Variants in ABCA13 observed in about 807,000 individuals in gnomAD.
ABCA13 encodes the protein ATP binding cassette subfamily A member 13.
In ABCA13, 476 loss-of-function variants were observed where a neutral mutation model predicts 478.7. The ratio of observed to expected loss-of-function variants is 0.99; its 90% CI spans 0.92 to 1.07. The LOEUF is 1.07. Ranked by LOEUF, ABCA13 falls within the 50% of genes least tolerant of loss-of-function variation. ABCA13 has a pLI of 0.00. For missense variants in ABCA13, 6,060 were observed against 5,910.6 expected (o/e 1.03, Z -0.83); for synonymous variants, 2,252 against 2,158.9 (o/e 1.04, Z -1.20).
intron 48 of ABCA13, among the ~76,000 whole-genome samples, chr7:48,491,616 T>C (rs544397052): frequency 1.3e-5 from 2 of 152,294 alleles, no homozygotes; most frequent in South Asian, 4.1e-4. Context: ...TAAATTCTAA[T>C]TTGACTTGTT....
chr7:48,345,793 G>T (rs1480946397), intron 29 of ABCA13, among the ~76,000 whole-genome samples: 1 of 152,174 alleles, frequency 6.6e-6, no homozygotes, highest in Non-Finnish European at 1.5e-5. Flanking sequence ...AGTTTATAAA[G>T]TGTACGGTAA....
chr7:48,323,693 G>C (rs1803866776), intron 27 of ABCA13, among the ~76,000 whole-genome samples: 1 of 152,184 alleles, frequency 6.6e-6, no homozygotes, highest in African/African-American at 2.4e-5. Flanking sequence ...CCTATCAAGT[G>C]GTGGAGCTGG....
Position 48,364,121 on chromosome 7 carries a change from G to A in ABCA13, c.10689-3673G>A, listed in dbSNP as rs577141909. Among the ~76,000 whole-genome samples the A allele has an allele frequency of 3.3e-4, 50 of 152,180 alleles. 2 individuals are homozygous for A. The South Asian group carries it at 0.01, about 32-fold the overall frequency. ...GTCCTGGTGGTGGTGAGGACCAGGTGCCATTAATGACCTTACAGCTCAAAA... is the reference window on the plus strand; with the variant it reads ...GTCCTGGTGGTGGTGAGGACCAGGTACCATTAATGACCTTACAGCTCAAAA... On this transcript the variant is annotated intron_variant, in intron 31 of 61. Coordinates refer to ENST00000435803, the MANE Select transcript of ABCA13 (RefSeq NM_152701.5).
At chr7:48,217,647 C>T (rs1786687564) in intron 3 of ABCA13, among the ~76,000 whole-genome samples, 1 of 152,138 alleles carries the variant, frequency 6.6e-6, no homozygotes, top group African/African-American at 2.4e-5. Context: ...GAGGAAGGGA[C>T]CTGAATAATG....
chr7:48,299,591 C>G (rs546739684), intron 23 of ABCA13, among the ~76,000 whole-genome samples: 1 of 152,224 alleles, frequency 6.6e-6, no homozygotes, highest in Admixed American at 6.5e-5. Flanking sequence ...GTTATTGAAA[C>G]GAGTAATAGG....
Position 48,506,399 on chromosome 7 carries a change from A to T in ABCA13, c.13346+9A>T, listed in dbSNP as rs764400664. 4.3e-6 allele frequency: 7 copies of T among 1,613,566 alleles called. No individual in the cohort carries two copies. Among genetic ancestry groups the T allele is most frequent in the Non-Finnish European group, 5.9e-6 (7 of 1,179,536 alleles). ...CTGAACGAGGACAAGATGTGAGTTG[A>T]TGGAATGCTGAGGGGTGTGTGACCC... is the stretch of plus-strand genomic sequence containing the variant. On this transcript the variant is annotated intron_variant, in intron 49 of 61. Transcript: ENST00000435803.
At chr7:48,347,936 T>A (rs1405701497) in intron 29 of ABCA13, among the ~76,000 whole-genome samples, 1 of 152,214 alleles carries the variant, frequency 6.6e-6, no homozygotes, top group Non-Finnish European at 1.5e-5. Context: ...CAGATGATTA[T>A]CATTTCCCTT....
intron 10 of ABCA13, among the ~76,000 whole-genome samples, chr7:48,243,982 A>G (rs746916032): frequency 6.6e-6 from 1 of 152,128 alleles, no homozygotes; most frequent in Non-Finnish European, 1.5e-5. Context: ...ATTTATTCCC[A>G]ATTTCAGGTT....
At chr7:48,503,044 A>G (rs1563361435) in intron 48 of ABCA13, among the ~76,000 whole-genome samples, 1 of 152,190 alleles carries the variant, frequency 6.6e-6, no homozygotes, top group African/African-American at 2.4e-5. Flanking sequence ...TTGCCATGCT[A>G]TACATTAGGT....
At chr7:48,564,656 C>G (rs1217886827) in intron 55 of ABCA13, among the ~76,000 whole-genome samples, 1 of 151,482 alleles carries the variant, frequency 6.6e-6, no homozygotes, top group Non-Finnish European at 1.5e-5. Context: ...TTTGGTATTT[C>G]TTTATATAAA....
chr7:48,237,954 A>G (rs538529393), intron 8 of ABCA13, among the ~76,000 whole-genome samples: 4 of 152,380 alleles, frequency 2.6e-5, no homozygotes, highest in Admixed American at 2.6e-4. Flanking sequence ...AGGGAAAAAA[A>G]TAGAACAAAA....
At chr7:48,198,793 C>A (rs977618069) in intron 3 of ABCA13, among the ~76,000 whole-genome samples, 1 of 152,186 alleles carries the variant, frequency 6.6e-6, no homozygotes, top group African/African-American at 2.4e-5. Flanking sequence ...TAAAACTGGG[C>A]AGTAACTCTT....
chr7:48,401,631 C>A (rs912973349), intron 38 of ABCA13, among the ~76,000 whole-genome samples: 6 of 152,062 alleles, frequency 3.9e-5, no homozygotes, highest in African/African-American at 7.2e-5. Flanking sequence ...ATGCTATAGA[C>A]CATTTGTGCA....
At chr7:48,333,809 T>G (rs891299525) in intron 27 of ABCA13, among the ~76,000 whole-genome samples, 3 of 152,108 alleles carry the variant, frequency 2.0e-5, no homozygotes, top group African/African-American at 7.2e-5. Flanking sequence ...GCCCAGGTCT[T>G]TGTTGCATCA....
At position 48,643,269 on chromosome 7, in the gene ABCA13, T is replaced by C. The variant is rs1422553604; in HGVS notation, c.14838-19T>C. 2.0e-6 allele frequency: 3 copies of C among 1,515,934 alleles called. No homozygotes were observed. 93.9% of individuals were successfully genotyped at this position (1,515,934 alleles called of 1,614,324 possible). A position where few individuals can be genotyped will look rare whatever the true frequency, so the allele number is the denominator to read the frequency against. The stretch of plus-strand genomic sequence containing the variant: ...GTCAATATGATAATAATCATGTTTC[T>C]ATTTTATTTAACTCTCAGGTTTGGT... On this transcript the variant is annotated intron_variant, in intron 59 of 61. Coordinates refer to ENST00000435803, the MANE Select transcript of ABCA13 (RefSeq NM_152701.5).
In ABCA13 at chr7:48,276,304, T is replaced by C. The variant is rs202145020; in HGVS notation, c.6638T>C (p.Ile2213Thr). 22 of 1,556,254 alleles carry C rather than the reference T, an allele frequency of 1.4e-5. No homozygotes were observed. Among genetic ancestry groups the C allele is most frequent in the Non-Finnish European group, 1.6e-5 (18 of 1,150,010 alleles). Residue 2213 changes from isoleucine (I) to threonine (T), a missense_variant, in exon 17 of 62, where the codon ATC becomes ACC. Ile to Thr is a moderately conservative substitution (Grantham distance 89). This residue lies in a region of ABCA13 where 4,423 missense variants were observed against 4,309.1 expected (regional missense o/e 1.03). Transcript: ENST00000435803. The stretch of plus-strand genomic sequence containing the variant: ...TTTGAAAACATCCTAATTAATTTGA[T>C]CAATAACTTAGCTGGGAATTCTCAG... ...LLFENILINL[I>T]NNLAGNSQEA... is the part of the protein sequence containing the mutation.
chr7:48,285,853 A>T (rs1797662531), intron 19 of ABCA13, among the ~76,000 whole-genome samples: 1 of 152,208 alleles, frequency 6.6e-6, no homozygotes, highest in South Asian at 2.1e-4. Flanking sequence ...GAGATTACTT[A>T]AGTGACACAT....
intron 39 of ABCA13, 62 bp from the exon 40 acceptor site, chr7:48,410,458 A>T (rs1313705071): frequency 1.3e-6 from 2 of 1,592,686 alleles, no homozygotes; most frequent in African/African-American, 2.7e-5. Context: ...TGAGGAAAGG[A>T]GGGAAGGTCC....
chr7:48,195,685 G>A (rs546566069), intron 2 of ABCA13, among the ~76,000 whole-genome samples: 2 of 152,268 alleles, frequency 1.3e-5, no homozygotes, highest in South Asian at 4.1e-4. Context: ...TCACATAGAT[G>A]AGGACACCTA....
Sources: allele counts gnomAD v4.1 joint callset (sites outside exome capture counted in the v4.1 genomes callset), GRCh38; gene constraint gnomAD v4.1.1; regional missense constraint gnomAD v4.1.1; transcripts MANE v1.5; gene names NCBI Gene and HGNC (gene_info 2026-07-23, HGNC 2026-07-21).